Variants in MAMDC2 observed in about 807,000 individuals in gnomAD.
MAMDC2 encodes MAM domain containing 2, also known as MAM domain-containing protein 2.
A neutral mutation model predicts 89.8 loss-of-function variants in MAMDC2; 57 were observed. The observed-to-expected ratio is 0.63, with a 90% CI of 0.51 to 0.79. MAMDC2 has a LOEUF of 0.79. MAMDC2 is among the 30% of genes least tolerant of loss of function. MAMDC2 has a pLI of 0.00. For missense variants in MAMDC2, 800 were observed against 820.6 expected, an observed-to-expected ratio of 0.97 and a Z score of 0.31; for synonymous variants, 313 against 293.4, an observed-to-expected ratio of 1.07 and a Z score of -0.68.
intron 11 of MAMDC2, among the ~76,000 whole-genome samples, chr9:70,193,663 C>G (rs887438862): frequency 2.9e-4 from 44 of 152,212 alleles, no homozygotes; most frequent in African/African-American, 9.4e-4. Flanking sequence ...ACTTTCTTTG[C>G]TATACATTAG....
chr9:70,083,346 T>C (rs1827696900), intron 2 of MAMDC2: 1 of 152,192 alleles, frequency 6.6e-6, no homozygotes, highest in African/African-American at 2.4e-5. Context: ...TTATATTTGT[T>C]TTGTACTAGA....
At chr9:70,076,757 T>G (rs1827542903) in intron 2 of MAMDC2, among the ~76,000 whole-genome samples, 1 of 152,218 alleles carries the variant, frequency 6.6e-6, no homozygotes, top group South Asian at 2.1e-4. Flanking sequence ...TATTTTGTAC[T>G]CTAGAGAATG....
chr9:70,095,764 C>G (rs1276226102), intron 2 of MAMDC2, among the ~76,000 whole-genome samples: 1 of 152,056 alleles, frequency 6.6e-6, no homozygotes, highest in Non-Finnish European at 1.5e-5. Context: ...ATGCCTATAG[C>G]AGAAAAAAAC....
intron 11 of MAMDC2, among the ~76,000 whole-genome samples, chr9:70,176,586 A>AT (rs750568518): frequency 6.6e-6 from 1 of 152,144 alleles, no homozygotes; most frequent in Admixed American, 6.6e-5. Flanking sequence ...TTTAAAGTAA[A>AT]TTTTTTCTAG....
At chr9:70,093,841 A>T (rs116117982) in intron 2 of MAMDC2, 2 of 152,208 alleles carry the variant, frequency 1.3e-5, no homozygotes, top group South Asian at 4.1e-4. Flanking sequence ...AACACTCTCT[A>T]TCGGGTAATG....
intron 2 of MAMDC2, among the ~76,000 whole-genome samples, chr9:70,106,511 C>T (rs1263330545): frequency 1.3e-5 from 2 of 152,166 alleles, no homozygotes; most frequent in Admixed American, 6.5e-5. Flanking sequence ...AGAAGCAGCA[C>T]TTTTTATCCA....
At chr9:70,065,706 T>TCCC (rs1440010410) in intron 2 of MAMDC2, among the ~76,000 whole-genome samples, 1 of 152,126 alleles carries the variant, frequency 6.6e-6, no homozygotes, top group Admixed American at 6.5e-5. Flanking sequence ...GGCCTGGTCA[T>TCCC]TGGGTTGAGA....
chr9:70,045,718 T>TGTCCACCTAC (rs1826732921), intron 2 of MAMDC2, among the ~76,000 whole-genome samples: 1 of 152,156 alleles, frequency 6.6e-6, no homozygotes, highest in Non-Finnish European at 1.5e-5. Flanking sequence ...CATTAGCTTC[T>TGTCCACCTAC]CTGACCCTCA....
Position 70,043,858 on chromosome 9 carries a change from C to G in MAMDC2, c.-340C>G. 2.6e-6 allele frequency: 1 copy of G among 388,836 alleles called. No homozygotes were observed. 24.1% of individuals were successfully genotyped at this position (388,836 alleles called of 1,614,324 possible). A position where few individuals can be genotyped will look rare whatever the true frequency, so the allele number is the denominator to read the frequency against. ...AAGGCACTGCGGGCCGACCTCTCCT[C>G]TCCCAGCCAGTCGTGGCTGGCCTTT... On this transcript the variant is annotated 5_prime_UTR_variant, in exon 1 of 14. Coordinates refer to ENST00000377182, the MANE Select transcript of MAMDC2 (RefSeq NM_153267.5).
chr9:70,045,179 C>G (rs1044487953), intron 2 of MAMDC2, among the ~76,000 whole-genome samples: 1 of 152,150 alleles, frequency 6.6e-6, no homozygotes. Context: ...CTGCCTTGAC[C>G]CTGACAGTGT....
At chr9:70,051,872 C>CCTAT (rs1302997394) in intron 2 of MAMDC2, among the ~76,000 whole-genome samples, 2 of 145,748 alleles carry the variant, frequency 1.4e-5, no homozygotes, top group African/African-American at 5.1e-5. Context: ...TATCTATTTA[C>CCTAT]CTATCTAGAT....
At chr9:70,124,541 C>T (rs192076005) in intron 5 of MAMDC2, among the ~76,000 whole-genome samples, 1 of 152,162 alleles carries the variant, frequency 6.6e-6, no homozygotes, top group Non-Finnish European at 1.5e-5. Context: ...AGATGAGGAC[C>T]TTTCTGAGAC....
chr9:70,186,450 C>T (rs758715284), intron 11 of MAMDC2, among the ~76,000 whole-genome samples: 1 of 152,156 alleles, frequency 6.6e-6, no homozygotes, highest in African/African-American at 2.4e-5. Flanking sequence ...ATTTCCTTAA[C>T]AGCCATTTAT....
intron 11 of MAMDC2, among the ~76,000 whole-genome samples, chr9:70,195,597 T>C (rs115449971): frequency 0.012 from 1,792 of 152,222 alleles, 36 homozygotes; most frequent in African/African-American, 0.041. Context: ...GGCCCCATCC[T>C]TCTCCATCCT....
intron 2 of MAMDC2, chr9:70,079,297 G>GT (rs1446644481): frequency 3.9e-5 from 6 of 152,298 alleles, no homozygotes; most frequent in Admixed American, 2.0e-4. Context: ...GGCACAGACT[G>GT]TTGTGTACAA....
intron 11 of MAMDC2, among the ~76,000 whole-genome samples, chr9:70,212,414 G>A (rs1306654049): frequency 6.6e-6 from 1 of 152,222 alleles, no homozygotes; most frequent in African/African-American, 2.4e-5. Context: ...TGTGGGTTTG[G>A]GACCCTCTGA....
intron 2 of MAMDC2, among the ~76,000 whole-genome samples, chr9:70,070,824 A>AT (rs1321018761): frequency 6.6e-6 from 1 of 152,030 alleles, no homozygotes; most frequent in Non-Finnish European, 1.5e-5. Context: ...AGCAGAATAT[A>AT]TTTTTCTGCC....
intron 12 of MAMDC2, among the ~76,000 whole-genome samples, chr9:70,223,719 A>G (rs1373985295): frequency 6.6e-6 from 1 of 152,240 alleles, no homozygotes; most frequent in Non-Finnish European, 1.5e-5. Context: ...GACATATATG[A>G]TCTTATTTAA....
rs1179176967 is a variant in MAMDC2, at chr9:70,225,990, A to G, written c.2019A>G (p.Gln673=). 2 of 1,587,244 alleles carry G rather than the reference A, an allele frequency of 1.3e-6. No homozygotes were observed. Among genetic ancestry groups the G allele is most frequent in the African/African-American group, 2.7e-5 (2 of 74,114 alleles). Residue 673 remains glutamine (Q), a synonymous_variant, in exon 14 of 14, where the codon CAA becomes CAG. Coordinates refer to ENST00000377182, the MANE Select transcript of MAMDC2 (RefSeq NM_153267.5). ...CAGAAATGGAAGATACAACTCAACA[A>G]TCATCAGGATATTCTGAGGACTTAA... ...PCGEMEDTTQ[Q]SSGYSEDLNE...
Sources: gnomAD v4.1 joint callset for allele counts (sites outside exome capture counted in the v4.1 genomes callset) on GRCh38, gnomAD v4.1.1 for gene constraint, MANE v1.5 for transcripts, NCBI Gene and HGNC (gene_info 2026-07-23, HGNC 2026-07-21) for gene names.